Variants in CCDC27 observed in about 807,000 individuals in gnomAD.
CCDC27 encodes the protein coiled-coil domain containing 27.
Under a neutral mutation model 80.3 loss-of-function variants are expected in CCDC27, and 80 were observed. The observed-to-expected ratio is 1.00, with a 90% confidence interval of 0.83 to 1.20. The LOEUF is 1.20. CCDC27 is among the 50% of genes most tolerant of loss of function. CCDC27 has a pLI of 0.00. For synonymous variants in CCDC27, 342 were observed against 334.3 expected (o/e 1.02, Z -0.25); for missense variants, 815 against 809.4 (o/e 1.01, Z -0.08).
In CCDC27 at chr1:3,769,661, G is replaced by A; in HGVS notation, c.1744-122G>A. On this transcript the variant is annotated intron_variant, in intron 10 of 11. Transcript: ENST00000294600. This position sits in a 1 kb window ranked among gnomAD's most constrained non-coding sequence, Gnocchi z 4.6. ...ACCTGTTTCCAGTTTCTAAAGCCAT[G>A]AAAAGTGAGGGTGAGCTGTTCCTTC... The A allele has an allele frequency of 1.4e-6, 1 of 707,452 alleles. No individual in the cohort carries two copies. The highest frequency in any genetic ancestry group is 2.6e-5 in the East Asian group (1 of 39,034). 43.8% of individuals were successfully genotyped at this position (707,452 alleles called of 1,614,324 possible). A position where few individuals can be genotyped will look rare whatever the true frequency, so the allele number is the denominator to read the frequency against.
rs372150841 is a variant in CCDC27, at chr1:3,754,904, G to A, written c.443-553G>A. ...CACCAATCTCAGCCAGCATCAGGTA[G>A]AAGCAGGGCCCTCACCTTTCTAGGC... On this transcript the variant is annotated intron_variant, in intron 2 of 11. Transcript: ENST00000294600. Among the ~76,000 whole-genome samples the A allele has an allele frequency of 2.5e-4, 38 of 152,308 alleles. No homozygotes were observed. The East Asian group carries it at 6.9e-3, about 28-fold the overall frequency.
rs568695396 is a variant in CCDC27 at position 3,755,332 on chromosome 1, G to T, written c.443-125G>T. ...TGGTTCAGCCCTTGCTCAGTCCCAT[G>T]CATCCATTAAAAAAAGCCACCTGTG... On this transcript the variant is annotated intron_variant, in intron 2 of 11. Transcript: ENST00000294600. 1.4e-4 allele frequency: 107 copies of T among 764,854 alleles called. No homozygotes were observed. In the African/African-American group the frequency reaches 1.7e-3, roughly 12 times the overall value. The allele number at this position is 764,854 out of a possible 1,614,324, so 47.4% of individuals were successfully genotyped here.
At chr1:3,757,661 G>A (rs1390215796) in intron 4 of CCDC27, among the ~76,000 whole-genome samples, 13 of 152,170 alleles carry the variant, frequency 8.5e-5, no homozygotes, top group South Asian at 6.2e-4. Context: ...GGTGGCTCAC[G>A]CCTGTAATCT....
At position 3,766,536 on chromosome 1, in the gene CCDC27, T is replaced by A. The variant is rs774125345; in HGVS notation, c.1454T>A (p.Phe485Tyr). 6.2e-7 allele frequency: 1 copy of A among 1,612,892 alleles called. No individual in the cohort carries two copies. The highest frequency in any genetic ancestry group is 1.7e-5 in the Admixed American group (1 of 59,874). ...RQQLQAMTDK[F>Y]SNLREDKKHQ... is the part of the protein sequence containing the mutation. ...GCCAACCCTTCTGTCTCCTTCCAGT[T>A]CTCCAACCTCCGAGAAGATAAGAAA... Residue 485 changes from phenylalanine (F) to tyrosine (Y), a missense_variant and splice_region_variant, in exon 9 of 12, where the codon TTC becomes TAC. Phe to Tyr is a conservative substitution (Grantham distance 22). Coordinates refer to ENST00000294600, the MANE Select transcript of CCDC27 (RefSeq NM_152492.3). This position sits in a 1 kb window ranked among gnomAD's most constrained non-coding sequence, Gnocchi z 6.1.
chr1:3,770,137 A>C (rs954711744), intron 11 of CCDC27, among the ~76,000 whole-genome samples: 3 of 152,138 alleles, frequency 2.0e-5, no homozygotes, highest in Non-Finnish European at 4.4e-5. Flanking sequence ...GGCATCAGAG[A>C]CCAGCAGTAA....
At chr1:3,755,012 G>A (rs991123938) in intron 2 of CCDC27, among the ~76,000 whole-genome samples, 2 of 152,150 alleles carry the variant, frequency 1.3e-5, no homozygotes. Flanking sequence ...CAGGTCTCTG[G>A]GGAGGCTGAG....
chr1:3,762,234 G>A (rs1016044688), intron 5 of CCDC27, among the ~76,000 whole-genome samples: 10 of 152,306 alleles, frequency 6.6e-5, no homozygotes, highest in African/African-American at 2.4e-4. Context: ...ACACAGGGCG[G>A]GGGCAGGGAA....
rs2124596997 is a variant in CCDC27, at chr1:3,766,679, A to G, written c.1530+67A>G. 1 of 1,354,578 alleles carries G rather than the reference A, an allele frequency of 7.4e-7. No homozygotes were observed. The highest frequency in any genetic ancestry group is 1.8e-5 in the Admixed American group (1 of 56,984). The allele number at this position is 1,354,578 out of a possible 1,614,324, so 83.9% of individuals were successfully genotyped here. On this transcript the variant is annotated intron_variant, in intron 9 of 11. Coordinates refer to ENST00000294600, the MANE Select transcript of CCDC27 (RefSeq NM_152492.3). The surrounding 1 kb of genome is among the most constrained non-coding windows in gnomAD (Gnocchi z 6.1). ...TTCTTACTGTAAGTCCCAACACAGC[A>G]AAGGGCAAGACGGGGCTGGAGCGTC...
At chr1:3,758,260 C>T (rs1643007877) in intron 4 of CCDC27, among the ~76,000 whole-genome samples, 1 of 150,158 alleles carries the variant, frequency 6.7e-6, no homozygotes. Context: ...CGCCATTCAG[C>T]TCGCTGCCAC....
rs763771932 is a variant in CCDC27, at chr1:3,752,551, C to T, written c.70C>T (p.Leu24=). ...GAGAGATCCACGGGAAAAGCCGGGCCTGTCCTCATTCAGGTCCACATTCAG... is the reference window on the plus strand; with the variant it reads ...GAGAGATCCACGGGAAAAGCCGGGCTTGTCCTCATTCAGGTCCACATTCAG... The part of the protein sequence containing the change: ...LKRDPREKPG[L]SSFRSTFRQQ... Residue 24 remains leucine, a synonymous_variant, in exon 1 of 12, where the codon CTG becomes TTG. Transcript: ENST00000294600. 11 of 1,614,074 alleles carry T rather than the reference C, an allele frequency of 6.8e-6. No homozygotes were observed. Among genetic ancestry groups the T allele is most frequent in the Non-Finnish European group, 9.3e-6 (11 of 1,180,056 alleles).
rs1273375927 is a variant in CCDC27 at position 3,763,507 on chromosome 1, C to T, written c.1321+33C>T. 6.4e-7 allele frequency: 1 copy of T among 1,562,660 alleles called. No homozygotes were observed. The highest frequency in any genetic ancestry group is 1.2e-5 in the South Asian group (1 of 82,334). On this transcript the variant is annotated intron_variant, in intron 7 of 11. Transcript: ENST00000294600. This position sits in a 1 kb window ranked among gnomAD's most constrained non-coding sequence, Gnocchi z 7.5. ...CTCGGCGGGGGGCACTGGGCTTTGG[C>T]CACTCAGTGGTTCCCGGCCCAGGAG...
intron 4 of CCDC27, among the ~76,000 whole-genome samples, chr1:3,757,971 T>A (rs1642998019): frequency 6.6e-6 from 1 of 150,534 alleles, no homozygotes; most frequent in Non-Finnish European, 1.5e-5. Context: ...CCCAGGCAGG[T>A]CTCGAACTCC....
rs1402922559 is a variant in CCDC27 at position 3,763,949 on chromosome 1, G to C, written c.1452+113G>C. 1.4e-6 allele frequency: 2 copies of C among 1,460,138 alleles called. No homozygotes were observed. The highest frequency in any genetic ancestry group is 2.5e-5 in the East Asian group (1 of 40,238). The allele number at this position is 1,460,138 out of a possible 1,614,324, so 90.4% of individuals were successfully genotyped here. ...CGTCCCATCTACTGATGGAGACTTT[G>C]AGCCTGGGGTGTCCAGGCAGCTGGC... is the stretch of plus-strand genomic sequence containing the variant. On this transcript the variant is annotated intron_variant, in intron 8 of 11. Transcript: ENST00000294600. The surrounding 1 kb of genome is among the most constrained non-coding windows in gnomAD (Gnocchi z 7.5).
At position 3,765,014 on chromosome 1, in the gene CCDC27, G is replaced by A. The variant is rs375189007; in HGVS notation, c.1452+1178G>A. 5.3e-4 allele frequency among the ~76,000 whole-genome samples: 74 copies of A among 139,930 alleles called. 1 individual carries two copies. The highest frequency in any genetic ancestry group is 2.8e-3 in the South Asian group (12 of 4,258). 91.8% of individuals were successfully genotyped at this position (139,930 alleles called of 152,430 possible). On this transcript the variant is annotated intron_variant, in intron 8 of 11. Coordinates refer to ENST00000294600, the MANE Select transcript of CCDC27 (RefSeq NM_152492.3). Reference sequence around the variant, plus strand: ...TGCACCATTGCACTCCAGTCTGGGCGACAAGAGCAAAACTCCATCTCAAAA... The same window carrying A: ...TGCACCATTGCACTCCAGTCTGGGCAACAAGAGCAAAACTCCATCTCAAAA...
At chr1:3,762,545 A>T in intron 5 of CCDC27, 75 bp from the exon 6 acceptor site, 1 of 1,182,586 alleles carries the variant, frequency 8.5e-7, no homozygotes, top group East Asian at 2.6e-5. Context: ...TGTCCCTTCT[A>T]GGACAGGCAG....
rs1049192447 is a variant in CCDC27 at position 3,768,157 on chromosome 1, T to A, written c.1743+712T>A. On this transcript the variant is annotated intron_variant, in intron 10 of 11. Coordinates refer to ENST00000294600, the MANE Select transcript of CCDC27 (RefSeq NM_152492.3). This position sits in a 1 kb window ranked among gnomAD's most constrained non-coding sequence, Gnocchi z 5.6. ...TCATCCAGTCTGGAGTGCAGTGGGGTGATAACAGCTCACTGCAGCCTTGGC... is the reference window on the plus strand; with the variant it reads ...TCATCCAGTCTGGAGTGCAGTGGGGAGATAACAGCTCACTGCAGCCTTGGC... Among the ~76,000 whole-genome samples, 1 of 139,706 alleles carries A rather than the reference T, an allele frequency of 7.2e-6. No homozygotes were observed. The highest frequency in any genetic ancestry group is 1.5e-5 in the Non-Finnish European group (1 of 66,428). 91.7% of individuals were successfully genotyped at this position (139,706 alleles called of 152,430 possible). A position where few individuals can be genotyped will look rare whatever the true frequency, so the allele number is the denominator to read the frequency against.
chr1:3,754,657 G>A (rs756699035), intron 2 of CCDC27, among the ~76,000 whole-genome samples: 1 of 152,176 alleles, frequency 6.6e-6, no homozygotes, highest in Non-Finnish European at 1.5e-5. Flanking sequence ...TCACTGCTCT[G>A]ATGAGAACAG....
Position 3,763,661 on chromosome 1 carries a change from C to T in CCDC27, c.1322-45C>T. 2 of 1,610,792 alleles carry T rather than the reference C, an allele frequency of 1.2e-6. No homozygotes were observed. The highest frequency in any genetic ancestry group is 1.7e-6 in the Non-Finnish European group (2 of 1,177,414). On this transcript the variant is annotated intron_variant, in intron 7 of 11. Coordinates refer to ENST00000294600, the MANE Select transcript of CCDC27 (RefSeq NM_152492.3). The surrounding 1 kb of genome is among the most constrained non-coding windows in gnomAD (Gnocchi z 7.5). The stretch of plus-strand genomic sequence containing the variant: ...CCCGGCCCTCTCCTTCTGTCCCTCA[C>T]TGCCCCTGCTTGCTCCTGCTCACCG...
In CCDC27 at chr1:3,763,823, C is replaced by T; in HGVS notation, c.1439C>T (p.Ala480Val). 6.2e-7 allele frequency: 1 copy of T among 1,614,066 alleles called. No individual in the cohort carries two copies. The highest frequency in any genetic ancestry group is 8.5e-7 in the Non-Finnish European group (1 of 1,179,968). ...ELRERRQQLQAMTDKFSNLRE... is the reference protein window; with the variant it reads ...ELRERRQQLQVMTDKFSNLRE... ...CGAGAGCGGAGGCAGCAGCTACAAG[C>T]CATGACCGACAAGGTGGCCGTGCGC... Residue 480 changes from alanine (A) to valine (V), a missense_variant, in exon 8 of 12, where the codon GCC (alanine) becomes GTC (valine). Physicochemically the swap from Ala to Val is moderately conservative, Grantham distance 64. Coordinates refer to ENST00000294600, the MANE Select transcript of CCDC27 (RefSeq NM_152492.3). This position sits in a 1 kb window ranked among gnomAD's most constrained non-coding sequence, Gnocchi z 7.5.
Sources: gnomAD v4.1 joint callset for allele counts (sites outside exome capture counted in the v4.1 genomes callset) on GRCh38, gnomAD v4.1.1 for gene constraint, Gnocchi (gnomAD v3.1) non-coding constraint, MANE v1.5 for transcripts, NCBI Gene and HGNC (gene_info 2026-07-23, HGNC 2026-07-21) for gene names.